NOMO1: variants seen among roughly 807,000 people sequenced by gnomAD.
NOMO1 encodes the protein nodal modulator 3.
NOMO1 carries 40 observed loss-of-function variants against 133.8 expected under a neutral mutation model. The observed-to-expected ratio is 0.30, with a 90% CI of 0.23 to 0.39. NOMO1 has a LOEUF of 0.39. NOMO1 is among the 10% of genes least tolerant of loss of function. The pLI, the probability that NOMO1 is intolerant of heterozygous loss-of-function variation, is 1.00. For synonymous variants in NOMO1, 236 were observed against 570.5 expected, an observed-to-expected ratio of 0.41 and a Z score of 8.36; for missense variants, 462 against 1,419.9, an observed-to-expected ratio of 0.33 and a Z score of 10.84.
intron 22 of NOMO1, among the ~76,000 whole-genome samples, chr16:14,877,587 G>GC (rs1350924816): frequency 1.3e-5 from 2 of 151,874 alleles, no homozygotes; most frequent in Non-Finnish European, 2.9e-5. Context: ...CAACCCGCTA[G>GC]AAAAAAAATG....
At chr16:14,843,660 A>G (rs1318016790) in intron 3 of NOMO1, among the ~76,000 whole-genome samples, 3 of 151,344 alleles carry the variant, frequency 2.0e-5, no homozygotes, top group Non-Finnish European at 4.4e-5. Context: ...GCCATGGGCT[A>G]GCTATTTTTG....
intron 26 of NOMO1, among the ~76,000 whole-genome samples, chr16:14,883,545 T>G (rs1964275998): frequency 6.6e-6 from 1 of 151,720 alleles, no homozygotes; most frequent in African/African-American, 2.4e-5. Context: ...TTGGCCAGAT[T>G]GGTCTTGAAC....
In NOMO1 at chr16:14,875,062, T is replaced by G. The variant is rs1374902248; in HGVS notation, c.2081T>G (p.Leu694Trp). ...TCTTCCATCGACAGTGAACCCGCCT[T>G]GGTCTTAGGCCCTCTGAAGTCTGTG... ...IKSSIDSEPA[L>W]VLGPLKSVQE... Residue 694 changes from leucine to tryptophan, a missense_variant, in exon 19 of 31, where the codon TTG becomes TGG. Leu to Trp is a moderately conservative substitution (Grantham distance 61). Transcript: ENST00000287667. 2 of 1,613,694 alleles carry G rather than the reference T, an allele frequency of 1.2e-6. No homozygotes were observed. Among genetic ancestry groups the G allele is most frequent in the Non-Finnish European group, 1.7e-6 (2 of 1,179,860 alleles).
chr16:14,879,285 T>C (rs979386801), intron 23 of NOMO1, among the ~76,000 whole-genome samples: 1 of 151,794 alleles, frequency 6.6e-6, no homozygotes, highest in African/African-American at 2.4e-5. Context: ...TGTGTGTTAG[T>C]TGGTCATCTT....
intron 6 of NOMO1, among the ~76,000 whole-genome samples, chr16:14,852,212 C>T (rs1397136381): frequency 6.7e-6 from 1 of 149,738 alleles, no homozygotes; most frequent in Non-Finnish European, 1.5e-5. Context: ...CTCTTGAACC[C>T]AGGAGGCAGA....
chr16:14,840,641 A>G (rs1370959741), intron 2 of NOMO1, among the ~76,000 whole-genome samples: 3 of 150,486 alleles, frequency 2.0e-5, no homozygotes, highest in Non-Finnish European at 3.0e-5. Flanking sequence ...AGTAAAATCT[A>G]GTTTTATTTA....
intron 1 of NOMO1, among the ~76,000 whole-genome samples, chr16:14,835,779 T>C (rs990020796): frequency 2.6e-5 from 4 of 152,040 alleles, no homozygotes; most frequent in South Asian, 2.1e-4. Flanking sequence ...TATTTCTTGA[T>C]TGTGTTTTTT....
intron 1 of NOMO1, among the ~76,000 whole-genome samples, chr16:14,836,500 G>A (rs1475725717): frequency 6.6e-6 from 1 of 151,910 alleles, no homozygotes; most frequent in Non-Finnish European, 1.5e-5. Context: ...TTTTGGAGGT[G>A]AGGCTTTTAG....
chr16:14,842,251 C>A (rs565876445), intron 3 of NOMO1, among the ~76,000 whole-genome samples: 355 of 150,972 alleles, frequency 2.4e-3, no homozygotes, highest in Middle Eastern at 0.01. Context: ...GTAGGGATCA[C>A]CGTTGTTGAT....
chr16:14,856,999 G>C (rs1963848825), intron 9 of NOMO1, among the ~76,000 whole-genome samples: 1 of 152,022 alleles, frequency 6.6e-6, no homozygotes, highest in Admixed American at 6.6e-5. Flanking sequence ...CTTTTCTGTT[G>C]TTTGACACTC....
intron 15 of NOMO1, among the ~76,000 whole-genome samples, chr16:14,866,930 T>G (rs1964005342): frequency 1.3e-5 from 2 of 149,374 alleles, no homozygotes; most frequent in South Asian, 4.2e-4. Context: ...GACTGGTGAT[T>G]CGGGGTGACC....
Position 14,875,264 on chromosome 16 carries a change from CTT to C in NOMO1, c.2273+11_2273+12del, listed in dbSNP as rs1964140165. On this transcript the variant is annotated intron_variant, in intron 19 of 30. Coordinates refer to ENST00000287667, the MANE Select transcript of NOMO1 (RefSeq NM_014287.4). ...TCTCTTACTGGGCGCGGTAAGCTCT[CTT>C]GTGCGTTTCCCTACAGTGTCCTCTG... The C allele has an allele frequency of 6.2e-7, 1 of 1,610,878 alleles. No homozygotes were observed. The highest frequency in any genetic ancestry group is 1.1e-5 in the South Asian group (1 of 90,922).
chr16:14,867,833 A>T (rs1225869279), intron 15 of NOMO1, among the ~76,000 whole-genome samples: 3 of 145,212 alleles, frequency 2.1e-5, no homozygotes, highest in African/African-American at 7.6e-5. Context: ...AGTGATAGAT[A>T]TTTAGGAAAC....
At chr16:14,859,974 C>T (rs546703148) in intron 11 of NOMO1, among the ~76,000 whole-genome samples, 19 of 152,124 alleles carry the variant, frequency 1.2e-4, no homozygotes, top group African/African-American at 3.6e-4. Context: ...AGGCAGTCTG[C>T]GCAGCTGGAG....
At chr16:14,858,604 G>C (rs1439180381) in intron 11 of NOMO1, among the ~76,000 whole-genome samples, 1 of 152,136 alleles carries the variant, frequency 6.6e-6, no homozygotes, top group Admixed American at 6.5e-5. Flanking sequence ...TGTAAAGCTG[G>C]GTGCTACTGA....
At chr16:14,866,442 C>T in intron 14 of NOMO1, 113 bp from the exon 15 acceptor site, 1 of 1,594,978 alleles carries the variant, frequency 6.3e-7, no homozygotes, top group Non-Finnish European at 8.5e-7. Context: ...TTTATGTCTA[C>T]ATACACACCT....
chr16:14,871,569 C>T (rs1311800526), intron 16 of NOMO1, 52 bp from the exon 17 acceptor site: 40 of 1,610,950 alleles, frequency 2.5e-5, no homozygotes, highest in Admixed American at 1.7e-5. Context: ...CGGAATTGCT[C>T]GGTGTAATAG....
At chr16:14,880,222 TC>T in intron 24 of NOMO1, 80 bp downstream of exon 24, 1 of 1,193,892 alleles carries the variant, frequency 8.4e-7, no homozygotes, top group Non-Finnish European at 1.2e-6. Flanking sequence ...TGGAAACGCA[TC>T]CCAGGCTTCA....
chr16:14,874,937 G>A, intron 18 of NOMO1, 99 bp from the exon 19 acceptor site: 1 of 974,618 alleles, frequency 1.0e-6, no homozygotes, highest in South Asian at 1.5e-5. Context: ...ATGATAAGAT[G>A]TCCAGTTTGT....
Sources: allele counts gnomAD v4.1 joint callset (sites outside exome capture counted in the v4.1 genomes callset), GRCh38; gene constraint gnomAD v4.1.1; transcripts MANE v1.5; gene names NCBI Gene and HGNC (gene_info 2026-07-23, HGNC 2026-07-21).